Variants in WWOX observed in about 807,000 individuals in gnomAD.
WWOX encodes WW domain containing oxidoreductase, also known as WW domain-containing oxidoreductase.
A neutral mutation model predicts 46.2 loss-of-function variants in WWOX; 69 were observed. That is an observed-to-expected ratio of 1.49 (90% CI 1.23 to 1.82). The LOEUF is 1.82. Among genes scored for constraint, WWOX ranks in the 40% most tolerant of loss-of-function variants. The probability of loss-of-function intolerance (pLI) is 0.00; values close to 1 mark genes in which losing one functional copy is unlikely to be tolerated. For synonymous variants in WWOX, 359 were observed against 202.6 expected, an observed-to-expected ratio of 1.77 and a Z score of -6.56; for missense variants, 919 against 542.6, an observed-to-expected ratio of 1.69 and a Z score of -6.89.
intron 8 of WWOX, among the ~76,000 whole-genome samples, chr16:78,820,045 C>A (rs1294734197): frequency 6.6e-6 from 1 of 152,146 alleles, no homozygotes; most frequent in Non-Finnish European, 1.5e-5. Context: ...TGGCATTGTT[C>A]TTACTATTTA....
At chr16:78,508,760 T>A (rs1426832178) in intron 8 of WWOX, among the ~76,000 whole-genome samples, 2 of 152,192 alleles carry the variant, frequency 1.3e-5, no homozygotes, top group African/African-American at 4.8e-5. Context: ...ATCTGAGCAC[T>A]ATGCCTGCAG....
intron 8 of WWOX, among the ~76,000 whole-genome samples, chr16:79,150,163 A>T (rs2050251473): frequency 6.6e-6 from 1 of 152,196 alleles, no homozygotes; most frequent in Non-Finnish European, 1.5e-5. Context: ...TTAGCAGAAG[A>T]TTAAAAATGA....
At chr16:78,151,962 G>T (rs1313463139) in intron 4 of WWOX, among the ~76,000 whole-genome samples, 1 of 152,098 alleles carries the variant, frequency 6.6e-6, no homozygotes, top group East Asian at 1.9e-4. Context: ...AGGCCGAGGC[G>T]GGCAGATCAC....
intron 8 of WWOX, among the ~76,000 whole-genome samples, chr16:78,955,490 A>G (rs1398049558): frequency 1.3e-5 from 2 of 152,156 alleles, no homozygotes; most frequent in South Asian, 2.1e-4. Context: ...CACAACTAGG[A>G]TGGCGCGAAG....
chr16:78,584,853 C>T (rs188421520), intron 8 of WWOX, among the ~76,000 whole-genome samples: 4 of 152,300 alleles, frequency 2.6e-5, no homozygotes, highest in Admixed American at 6.5e-5. Flanking sequence ...TATTTGTGCA[C>T]GTCGGTGCGT....
intron 8 of WWOX, among the ~76,000 whole-genome samples, chr16:79,014,984 C>G (rs942082916): frequency 7.9e-5 from 12 of 152,200 alleles, no homozygotes; most frequent in African/African-American, 2.4e-4. Flanking sequence ...GGCAAAGGTA[C>G]CTGCGAGGGA....
At chr16:78,488,293 C>G (rs2084689740) in intron 8 of WWOX, among the ~76,000 whole-genome samples, 1 of 152,028 alleles carries the variant, frequency 6.6e-6, no homozygotes. Flanking sequence ...GTGAGTCTTC[C>G]AAGTCCTGTC....
At chr16:79,102,583 G>A (rs1053169081) in intron 8 of WWOX, among the ~76,000 whole-genome samples, 3 of 152,140 alleles carry the variant, frequency 2.0e-5, no homozygotes, top group African/African-American at 4.8e-5. Flanking sequence ...TATAGCAAAC[G>A]GGTAGAAGAG....
At chr16:78,874,179 C>T (rs529679027) in intron 8 of WWOX, among the ~76,000 whole-genome samples, 1 of 151,388 alleles carries the variant, frequency 6.6e-6, no homozygotes, top group East Asian at 1.9e-4. Flanking sequence ...TCGCTTGAAC[C>T]CAGGAGGTGA....
chr16:78,602,456 A>G (rs571788421), intron 8 of WWOX, among the ~76,000 whole-genome samples: 1 of 151,664 alleles, frequency 6.6e-6, no homozygotes, highest in Non-Finnish European at 1.5e-5. Flanking sequence ...CTGATCTCGA[A>G]CTCCTGCCCT....
chr16:78,969,461 G>T (rs979490850), intron 8 of WWOX, among the ~76,000 whole-genome samples: 7 of 151,926 alleles, frequency 4.6e-5, no homozygotes, highest in African/African-American at 1.7e-4. Flanking sequence ...AGTACAGACA[G>T]GGTTTCACCG....
chr16:78,241,926 G>C (rs1567452090), intron 5 of WWOX, among the ~76,000 whole-genome samples: 1 of 152,094 alleles, frequency 6.6e-6, no homozygotes, highest in Non-Finnish European at 1.5e-5. Context: ...AGGCTTTTGA[G>C]GCAGACAAAT....
rs545186728 is a variant in WWOX, at chr16:78,564,542, C to A, written c.1056+131790C>A. ...GGGGTAGAGAGTGAGTGTTAACACA[C>A]AGAGAACCCAGGAGACCTTTCTCAG... is the stretch of plus-strand genomic sequence containing the variant. On this transcript the variant is annotated intron_variant, in intron 8 of 8. Transcript: ENST00000566780. Among the ~76,000 whole-genome samples the A allele has an allele frequency of 2.5e-3, 381 of 152,260 alleles. 2 individuals carry two copies. Among genetic ancestry groups the A allele is most frequent in the Non-Finnish European group, 3.9e-3 (264 of 68,016 alleles).
intron 8 of WWOX, among the ~76,000 whole-genome samples, chr16:79,191,927 C>G (rs765458483): frequency 1.4e-4 from 22 of 152,172 alleles, no homozygotes; most frequent in Non-Finnish European, 1.6e-4. Context: ...AGCAAGAGAT[C>G]AGGTCTTCTG....
At chr16:78,818,586 C>T (rs918209970) in intron 8 of WWOX, among the ~76,000 whole-genome samples, 1 of 152,172 alleles carries the variant, frequency 6.6e-6, no homozygotes, top group African/African-American at 2.4e-5. Flanking sequence ...TAAAAATCGG[C>T]TGGGCATGGT....
intron 8 of WWOX, among the ~76,000 whole-genome samples, chr16:78,668,897 GC>G (rs1431088211): frequency 1.2e-4 from 19 of 152,232 alleles, no homozygotes; most frequent in African/African-American, 4.6e-4. Context: ...TCTTCATCGG[GC>G]CTCCACATAG....
At chr16:78,584,385 T>A (rs773111688) in intron 8 of WWOX, among the ~76,000 whole-genome samples, 2 of 152,202 alleles carry the variant, frequency 1.3e-5, no homozygotes, top group African/African-American at 2.4e-5. Flanking sequence ...GATGTGACTT[T>A]CCAGGCTTGG....
At chr16:78,484,404 G>C (rs935122945) in intron 8 of WWOX, among the ~76,000 whole-genome samples, 13 of 152,050 alleles carry the variant, frequency 8.5e-5, no homozygotes, top group African/African-American at 3.1e-4. Context: ...GCTGGTATTT[G>C]AATTGGTCGA....
chr16:78,218,265 A>G (rs1466090279), intron 5 of WWOX, among the ~76,000 whole-genome samples: 2 of 151,996 alleles, frequency 1.3e-5, no homozygotes, highest in Non-Finnish European at 2.9e-5. Context: ...TTATATATAT[A>G]TATTTGTAGA....
Sources: gnomAD v4.1 joint callset for allele counts (sites outside exome capture counted in the v4.1 genomes callset) on GRCh38, gnomAD v4.1.1 for gene constraint, MANE v1.5 for transcripts, NCBI Gene and HGNC (gene_info 2026-07-23, HGNC 2026-07-21) for gene names.